Variants in GLMN observed in about 807,000 individuals in gnomAD.
GLMN encodes glomulin.
A neutral mutation model predicts 87.8 loss-of-function variants in GLMN; 75 were observed. That is an observed-to-expected ratio of 0.85 (90% CI 0.71 to 1.04). GLMN has a LOEUF of 1.04. GLMN is among the 50% of genes least tolerant of loss of function. The pLI is 0.00. For missense variants in GLMN, 588 were observed against 658.8 expected, an observed-to-expected ratio of 0.89 and a Z score of 1.18; for synonymous variants, 206 against 221.6, an observed-to-expected ratio of 0.93 and a Z score of 0.63.
chr1:92,350,540 G>A, the GLMN span, among the ~76,000 whole-genome samples: 2 of 152,174 alleles, frequency 1.3e-5, no homozygotes, highest in Non-Finnish European at 2.9e-5. Flanking sequence ...ATAATACAGA[G>A]TTGAACCTGA....
chr1:92,304,380 A>T, the GLMN span: 1 of 1,336,108 alleles, frequency 7.5e-7, no homozygotes, highest in Non-Finnish European at 1.0e-6. Flanking sequence ...TGTGGCAATT[A>T]ATTTTTTTTC....
At chr1:92,334,686 A>G in the GLMN span, among the ~76,000 whole-genome samples, 1 of 152,032 alleles carries the variant, frequency 6.6e-6, no homozygotes, top group South Asian at 2.1e-4. Flanking sequence ...CATCTCTACA[A>G]AAATAAAAAT....
chr1:92,359,926 A>T, the GLMN span, among the ~76,000 whole-genome samples: 1 of 152,178 alleles, frequency 6.6e-6, no homozygotes, highest in South Asian at 2.1e-4. Flanking sequence ...GGAAACAGAC[A>T]CTTTGAGCAC....
At position 92,260,765 on chromosome 1, in the gene GLMN, G is replaced by GGAA. The variant is rs1553136625; in HGVS notation, c.1473+2097_1473+2098insTTC. Reference sequence around the variant, plus strand: ...AGTGAGACACTGTCTCTTTGAGATGGAAAAAAAAAAAAAAAAAAAAAGGCA... The same window carrying GGAA: ...AGTGAGACACTGTCTCTTTGAGATGGGAAAAAAAAAAAAAAAAAAAAAAAGGCA... On this transcript the variant is annotated intron_variant, in intron 16 of 18. Coordinates refer to ENST00000370360, the MANE Select transcript of GLMN (RefSeq NM_053274.3). 6.0e-5 allele frequency among the ~76,000 whole-genome samples: 6 copies of GGAA among 100,068 alleles called. No homozygotes were observed. The East Asian group carries it at 9.8e-4, about 16-fold the overall frequency. 65.6% of individuals were successfully genotyped at this position (100,068 alleles called of 152,430 possible).
chr1:92,351,930 T>C, the GLMN span, among the ~76,000 whole-genome samples: 1 of 152,310 alleles, frequency 6.6e-6, no homozygotes, highest in East Asian at 1.9e-4. Context: ...GTCAAATGTC[T>C]CTTGGTGGCC....
the GLMN span, among the ~76,000 whole-genome samples, chr1:92,343,989 C>G: frequency 1.3e-5 from 2 of 152,196 alleles, no homozygotes; most frequent in Admixed American, 1.3e-4. Context: ...CTTTCCCAAT[C>G]CATTCTTCGT....
the GLMN span, among the ~76,000 whole-genome samples, chr1:92,352,952 T>C: frequency 6.6e-6 from 1 of 152,234 alleles, no homozygotes; most frequent in Non-Finnish European, 1.5e-5. Context: ...GAATCATATG[T>C]GACCTTTTGT....
the GLMN span, among the ~76,000 whole-genome samples, chr1:92,343,358 C>T: frequency 1.3e-5 from 2 of 152,112 alleles, no homozygotes; most frequent in Admixed American, 1.3e-4. Context: ...CCTTATTTTA[C>T]CAAAGTAAGT....
the GLMN span, among the ~76,000 whole-genome samples, chr1:92,331,275 A>G: frequency 2.0e-5 from 3 of 152,202 alleles, no homozygotes; most frequent in African/African-American, 7.2e-5. Flanking sequence ...GTCAAGGACA[A>G]TCTGTCTAGA....
the GLMN span, chr1:92,323,347 C>CA: frequency 1.4e-6 from 1 of 731,066 alleles, no homozygotes. Flanking sequence ...TTGAAAGTTA[C>CA]AATGTATAAA....
chr1:92,301,957 C>T (rs1447981514), upstream of GLMN, among the ~76,000 whole-genome samples: 1 of 152,116 alleles, frequency 6.6e-6, no homozygotes. Context: ...TCACATACTA[C>T]CCCACAAATA....
the GLMN span, among the ~76,000 whole-genome samples, chr1:92,341,400 A>G: frequency 6.6e-6 from 1 of 152,196 alleles, no homozygotes; most frequent in Non-Finnish European, 1.5e-5. Context: ...TTCATTTAGC[A>G]TCTGTGCTGG....
intron 8 of GLMN, 22 bp from the exon 9 acceptor site, chr1:92,269,798 T>A: frequency 7.1e-7 from 1 of 1,403,024 alleles, no homozygotes; most frequent in Non-Finnish European, 1.0e-6. Context: ...ACAAAACAAA[T>A]ATATATATTA....
intron 9 of GLMN, among the ~76,000 whole-genome samples, chr1:92,268,915 CTTTTTTTT>C (rs10706669): frequency 2.5e-5 from 3 of 120,478 alleles, no homozygotes; most frequent in Non-Finnish European, 5.3e-5. Flanking sequence ...CTGTAATTTC[CTTTTTTTT>C]TTTTTTTTCT....
chr1:92,250,959 A>G (rs1212165054), intron 16 of GLMN, among the ~76,000 whole-genome samples: 2 of 152,186 alleles, frequency 1.3e-5, no homozygotes, highest in African/African-American at 2.4e-5. Flanking sequence ...CATGACCCAG[A>G]AATTTCTTTG....
At chr1:92,348,972 T>C in the GLMN span, among the ~76,000 whole-genome samples, 1 of 86,578 alleles carries the variant, frequency 1.2e-5, no homozygotes, top group African/African-American at 2.8e-5. Flanking sequence ...CATGCACATA[T>C]AAAGAGAAAG....
intron 6 of GLMN, 147 bp downstream of exon 6, chr1:92,288,767 C>A (rs765124213): frequency 4.6e-6 from 3 of 658,696 alleles, no homozygotes; most frequent in Non-Finnish European, 8.2e-6. Context: ...AGTTCCCATG[C>A]TGTATCAACT....
intron 7 of GLMN, among the ~76,000 whole-genome samples, chr1:92,272,563 T>C (rs1055787425): frequency 6.6e-6 from 1 of 152,108 alleles, no homozygotes. Flanking sequence ...GACATACAAA[T>C]ATATGAAGCA....
intron 15 of GLMN, 80 bp downstream of exon 15, chr1:92,263,543 T>A: frequency 2.5e-6 from 2 of 787,134 alleles, no homozygotes; most frequent in Non-Finnish European, 4.7e-6. Flanking sequence ...AAAGACATTT[T>A]ATTACTTTAG....
Sources: gnomAD v4.1 joint callset for allele counts (sites outside exome capture counted in the v4.1 genomes callset) on GRCh38, gnomAD v4.1.1 for gene constraint, MANE v1.5 for transcripts, NCBI Gene and HGNC (gene_info 2026-07-23, HGNC 2026-07-21) for gene names.